CSMD1: variants seen among roughly 807,000 people sequenced by gnomAD.
The protein encoded by CSMD1 is CUB and Sushi multiple domains 1.
CSMD1 carries 213 observed loss-of-function variants against 417.5 expected under a neutral mutation model. The ratio of observed to expected loss-of-function variants is 0.51; its 90% CI spans 0.46 to 0.57. CSMD1 has a LOEUF of 0.57. CSMD1 is among the 20% of genes least tolerant of loss of function. CSMD1 has a pLI of 0.00. For missense variants in CSMD1, 6,923 were observed against 4,529.7 expected (o/e 1.53, Z -15.17); for synonymous variants, 2,862 against 1,736.8 (o/e 1.65, Z -16.11).
chr8:4,972,154 G>C (rs368407518), intron 1 of CSMD1, among the ~76,000 whole-genome samples: 4 of 152,230 alleles, frequency 2.6e-5, no homozygotes, highest in Middle Eastern at 3.4e-3. Flanking sequence ...AGGTAGAAAT[G>C]AGACCACACA....
chr8:3,460,408 T>C (rs1156358340), intron 12 of CSMD1, among the ~76,000 whole-genome samples: 1 of 152,182 alleles, frequency 6.6e-6, no homozygotes, highest in Non-Finnish European at 1.5e-5. Context: ...GAATATTCTG[T>C]GGACCCTGGG....
chr8:3,862,196 C>G (rs2129106346), intron 5 of CSMD1, among the ~76,000 whole-genome samples: 1 of 152,302 alleles, frequency 6.6e-6, no homozygotes, highest in Non-Finnish European at 1.5e-5. Flanking sequence ...GTTTTTCTAA[C>G]TCTTTTACAA....
At chr8:3,591,322 G>A (rs527834282) in intron 8 of CSMD1, among the ~76,000 whole-genome samples, 6 of 152,142 alleles carry the variant, frequency 3.9e-5, no homozygotes, top group African/African-American at 7.2e-5. Flanking sequence ...ATTTGATTTC[G>A]GAAGACATTT....
chr8:4,279,814 T>A (rs1004919305), intron 3 of CSMD1, among the ~76,000 whole-genome samples: 6 of 152,192 alleles, frequency 3.9e-5, no homozygotes, highest in African/African-American at 1.2e-4. Context: ...GTCTTTTTGA[T>A]GATAAAAAGA....
At chr8:3,075,765 G>A (rs1054007295) in intron 49 of CSMD1, among the ~76,000 whole-genome samples, 3 of 151,852 alleles carry the variant, frequency 2.0e-5, no homozygotes, top group Non-Finnish European at 4.4e-5. Flanking sequence ...ACATTGGCTG[G>A]GCGCGGTGGC....
chr8:3,937,450 C>G (rs537157844), intron 5 of CSMD1, among the ~76,000 whole-genome samples: 81 of 152,252 alleles, frequency 5.3e-4, no homozygotes, highest in African/African-American at 1.8e-3. Context: ...GATCACTGAT[C>G]ATCCATCAAC....
intron 3 of CSMD1, among the ~76,000 whole-genome samples, chr8:4,314,477 C>A (rs926044718): frequency 1.3e-5 from 2 of 152,106 alleles, no homozygotes; most frequent in Non-Finnish European, 2.9e-5. Context: ...TGCATCCGTT[C>A]CTTGAATACC....
chr8:3,977,780 G>T (rs144106819), intron 5 of CSMD1, among the ~76,000 whole-genome samples: 1 of 152,138 alleles, frequency 6.6e-6, no homozygotes, highest in African/African-American at 2.4e-5. Flanking sequence ...TAGTTAATTT[G>T]CTCCTCCAGG....
intron 40 of CSMD1, among the ~76,000 whole-genome samples, chr8:3,143,722 T>G (rs1333656480): frequency 6.6e-6 from 1 of 152,222 alleles, no homozygotes; most frequent in Admixed American, 6.5e-5. Flanking sequence ...TTACTCTGCA[T>G]GGTTCTTCTG....
chr8:3,214,305 A>C (rs754268949), intron 30 of CSMD1, among the ~76,000 whole-genome samples, 192 bp downstream of exon 30: 1 of 152,182 alleles, frequency 6.6e-6, no homozygotes, highest in Non-Finnish European at 1.5e-5. Context: ...CCAGAAACCT[A>C]TGAGAATGGC....
At chr8:4,288,257 A>G (rs1485997199) in intron 3 of CSMD1, among the ~76,000 whole-genome samples, 1 of 152,122 alleles carries the variant, frequency 6.6e-6, no homozygotes, top group African/African-American at 2.4e-5. Flanking sequence ...TGAGTTTCTG[A>G]CATGCCCCCA....
At chr8:2,955,500 G>T (rs1802934057) in intron 64 of CSMD1, 89 bp downstream of exon 64, 1 of 1,272,660 alleles carries the variant, frequency 7.9e-7, no homozygotes, top group East Asian at 2.3e-5. Flanking sequence ...CTTACTTATG[G>T]GTCTCACACG....
chr8:3,730,367 G>C (rs978550600), intron 6 of CSMD1, among the ~76,000 whole-genome samples: 1 of 73,040 alleles, frequency 1.4e-5, no homozygotes, highest in Admixed American at 2.3e-4. Flanking sequence ...AATTTAAGGA[G>C]CGATTTTTTT....
intron 7 of CSMD1, among the ~76,000 whole-genome samples, chr8:3,685,576 G>A (rs571424976): frequency 3.2e-4 from 48 of 152,266 alleles, no homozygotes; most frequent in Admixed American, 1.7e-3. Context: ...AAACAGGAGT[G>A]AAGCATCTGG....
intron 2 of CSMD1, among the ~76,000 whole-genome samples, chr8:4,467,332 C>T (rs1031452948): frequency 8.5e-5 from 13 of 152,128 alleles, no homozygotes; most frequent in Admixed American, 5.9e-4. Flanking sequence ...TTAATTGACC[C>T]ATTACTGAAT....
At chr8:4,645,734 T>G (rs1936648466) in intron 1 of CSMD1, among the ~76,000 whole-genome samples, 1 of 152,150 alleles carries the variant, frequency 6.6e-6, no homozygotes. Context: ...GCCTCCTAAT[T>G]GCAAGAGAAT....
At chr8:3,895,332 G>A (rs529658896) in intron 5 of CSMD1, among the ~76,000 whole-genome samples, 154 of 152,202 alleles carry the variant, frequency 1.0e-3, no homozygotes, top group African/African-American at 3.4e-3. Context: ...ATTTATGTTT[G>A]GAGTTACAAC....
intron 10 of CSMD1, among the ~76,000 whole-genome samples, chr8:3,572,064 C>T (rs1247939577): frequency 6.6e-6 from 1 of 152,140 alleles, no homozygotes; most frequent in East Asian, 1.9e-4. Flanking sequence ...GAGTGGTATA[C>T]TGAGTCGGTG....
At position 3,491,294 on chromosome 8, in the gene CSMD1, G is replaced by A. The variant is rs76737577; in HGVS notation, c.1448+2329C>T. Among the ~76,000 whole-genome samples, 13 of 152,232 alleles carry A rather than the reference G, an allele frequency of 8.5e-5. No homozygotes were observed. The East Asian group carries it at 1.9e-3, about 23-fold the overall frequency. ...ATGTACACTAGGTTTGTGAACTGGGGTAAATCCTTTAACCTATCAAAACTT... is the reference window on the plus strand; with the variant it reads ...ATGTACACTAGGTTTGTGAACTGGGATAAATCCTTTAACCTATCAAAACTT... On this transcript the variant is annotated intron_variant, in intron 11 of 69. Coordinates refer to ENST00000635120, the MANE Select transcript of CSMD1 (RefSeq NM_033225.6).
Sources: gnomAD v4.1 joint callset for allele counts (sites outside exome capture counted in the v4.1 genomes callset) on GRCh38, gnomAD v4.1.1 for gene constraint, MANE v1.5 for transcripts, NCBI Gene and HGNC (gene_info 2026-07-23, HGNC 2026-07-21) for gene names.